The following B4GALT5 variants were observed in gnomAD, a reference collection of about 807,000 sequenced individuals.
The protein encoded by B4GALT5 is UDP-Gal:beta-GlcNAc beta-1,4-galactosyltransferase 5.
In B4GALT5, 11 loss-of-function variants were observed where a neutral mutation model predicts 45.0. The observed-to-expected ratio is 0.24, with a 90% CI of 0.15 to 0.40. The LOEUF (loss-of-function observed/expected upper bound fraction) is 0.40, where lower values mean the gene tolerates loss of function less well. Among genes scored for constraint, B4GALT5 ranks in the 10% least tolerant of loss-of-function variants. B4GALT5 has a pLI of 1.00. For missense variants in B4GALT5, 337 were observed against 500.2 expected, an observed-to-expected ratio of 0.67 and a Z score of 3.11; for synonymous variants, 185 against 182.9, an observed-to-expected ratio of 1.01 and a Z score of -0.09.
At chr20:49,674,081 CAAAAAAAAAAA>C (rs34718276) in intron 1 of B4GALT5, among the ~76,000 whole-genome samples, 18 of 94,530 alleles carry the variant, frequency 1.9e-4, no homozygotes, top group Admixed American at 3.6e-4. Context: ...ATTAAAAATA[CAAAAAAAAAAA>C]AAAAAAAAAA....
At chr20:49,710,515 G>T (rs1199984284) in intron 1 of B4GALT5, among the ~76,000 whole-genome samples, 1 of 151,214 alleles carries the variant, frequency 6.6e-6, no homozygotes, top group Non-Finnish European at 1.5e-5. Flanking sequence ...TGCCTCCTGG[G>T]TTCAAGTGAT....
At chr20:49,667,400 T>C (rs1158414613) in intron 1 of B4GALT5, among the ~76,000 whole-genome samples, 2 of 151,934 alleles carry the variant, frequency 1.3e-5, no homozygotes, top group African/African-American at 4.8e-5. Context: ...TACAGGTGCC[T>C]GCCACCTCGC....
rs543987329 is a variant in B4GALT5, at chr20:49,665,436, A to G, written c.116-8734T>C. On this transcript the variant is annotated intron_variant, in intron 1 of 8. Coordinates refer to ENST00000371711, the MANE Select transcript of B4GALT5 (RefSeq NM_004776.4). ...TCTCAAAAAGGGGGGGTGGGGGGGTAGTAGTAATAATAATAATAATAATAA... is the reference window on the plus strand; with the variant it reads ...TCTCAAAAAGGGGGGGTGGGGGGGTGGTAGTAATAATAATAATAATAATAA... 1.2e-3 allele frequency among the ~76,000 whole-genome samples: 69 copies of G among 59,690 alleles called. 1 individual carries two copies. The highest frequency in any genetic ancestry group is 4.0e-3 in the African/African-American group (65 of 16,308). 39.2% of individuals were successfully genotyped at this position (59,690 alleles called of 152,430 possible).
intron 1 of B4GALT5, among the ~76,000 whole-genome samples, chr20:49,708,044 G>C (rs548468291): frequency 2.4e-4 from 36 of 146,950 alleles, no homozygotes; most frequent in Non-Finnish European, 4.6e-4. Context: ...AGCCTGCCTG[G>C]CCAACATGGT....
chr20:49,694,833 G>A (rs2085831744), intron 1 of B4GALT5, among the ~76,000 whole-genome samples: 2 of 117,426 alleles, frequency 1.7e-5, no homozygotes, highest in Non-Finnish European at 3.9e-5. Flanking sequence ...TGGAAAGACA[G>A]ACAGATACAC....
intron 1 of B4GALT5, among the ~76,000 whole-genome samples, chr20:49,675,714 T>C (rs1284580481): frequency 6.6e-6 from 1 of 152,214 alleles, no homozygotes; most frequent in African/African-American, 2.4e-5. Context: ...ATGTGACTGT[T>C]TGATTTTTAG....
At chr20:49,669,015 C>T (rs980007565) in intron 1 of B4GALT5, among the ~76,000 whole-genome samples, 1 of 151,660 alleles carries the variant, frequency 6.6e-6, no homozygotes, top group Admixed American at 6.6e-5. Context: ...GCGTACACCA[C>T]CACATCTGGT....
intron 2 of B4GALT5, among the ~76,000 whole-genome samples, chr20:49,649,449 G>A (rs780747989): frequency 6.6e-6 from 1 of 151,940 alleles, no homozygotes; most frequent in Non-Finnish European, 1.5e-5. Context: ...GCCTGGTGGT[G>A]CGCGCCTGTG....
At chr20:49,637,781 A>T (rs1202263576) in intron 7 of B4GALT5, among the ~76,000 whole-genome samples, 1 of 151,856 alleles carries the variant, frequency 6.6e-6, no homozygotes, top group East Asian at 1.9e-4. Context: ...TTAAAAAAAA[A>T]AAAAAAAATT....
chr20:49,703,729 A>AAAAAAAAAAAATAAT lies in B4GALT5; in HGVS notation c.115+9846_115+9847insATTATTTTTTTTTTT, dbSNP rs1555814908. ...CACGGCAAAGCCGCATTTCTACTAA[A>AAAAAAAAAAAATAAT]AAAAAAAAAAATAGCCAGGGGTCAT... On this transcript the variant is annotated intron_variant, in intron 1 of 8. Coordinates refer to ENST00000371711, the MANE Select transcript of B4GALT5 (RefSeq NM_004776.4). 5.2e-5 allele frequency among the ~76,000 whole-genome samples: 7 copies of AAAAAAAAAAAATAAT among 133,782 alleles called. No individual in the cohort carries two copies. In the East Asian group the frequency reaches 6.3e-4, roughly 12 times the overall value. The allele number at this position is 133,782 out of a possible 152,430, so 87.8% of individuals were successfully genotyped here.
chr20:49,662,300 A>G (rs1158011018), intron 1 of B4GALT5, among the ~76,000 whole-genome samples: 1 of 152,000 alleles, frequency 6.6e-6, no homozygotes, highest in Non-Finnish European at 1.5e-5. Flanking sequence ...CCAAACACCA[A>G]TCACCCTCCT....
At chr20:49,665,757 G>C (rs189923405) in intron 1 of B4GALT5, among the ~76,000 whole-genome samples, 1 of 147,504 alleles carries the variant, frequency 6.8e-6, no homozygotes, top group African/African-American at 2.5e-5. Context: ...TGGGAGCAGG[G>C]GCCAGGAAAA....
intron 1 of B4GALT5, among the ~76,000 whole-genome samples, chr20:49,695,770 A>G (rs1568733147): frequency 6.6e-6 from 1 of 152,192 alleles, no homozygotes; most frequent in South Asian, 2.1e-4. Flanking sequence ...ACCTTTGTAG[A>G]AAAGAATAAA....
rs1469671009 is a variant in B4GALT5, at chr20:49,634,673, G to C, written c.*1639C>G. 2 of 152,214 alleles carry C rather than the reference G, an allele frequency of 1.3e-5. No homozygotes were observed. The highest frequency in any genetic ancestry group is 1.3e-4 in the Admixed American group (2 of 15,264). The allele number at this position is 152,214 out of a possible 1,614,324, so 9.4% of individuals were successfully genotyped here. ...GAGTCCAGGAGTTCGAGACCAGCCT[G>C]GGCAACATGGAAGAAACCCCTGTCT... On this transcript the variant is annotated 3_prime_UTR_variant, in exon 9 of 9. Transcript: ENST00000371711.
intron 1 of B4GALT5, among the ~76,000 whole-genome samples, chr20:49,668,364 T>C (rs961435895): frequency 6.6e-6 from 1 of 152,040 alleles, no homozygotes; most frequent in Non-Finnish European, 1.5e-5. Context: ...AAACAGATAC[T>C]AGATGGCTGG....
intron 1 of B4GALT5, among the ~76,000 whole-genome samples, chr20:49,690,466 T>C (rs969908813): frequency 2.0e-5 from 3 of 151,852 alleles, no homozygotes; most frequent in Non-Finnish European, 4.4e-5. Flanking sequence ...GGAGAATCAC[T>C]TGAATCTGGG....
chr20:49,695,205 A>AT lies in B4GALT5; in HGVS notation c.115+18370dup, dbSNP rs5841765. 3.2e-4 allele frequency among the ~76,000 whole-genome samples: 46 copies of AT among 145,774 alleles called. 1 individual carries two copies. The highest frequency in any genetic ancestry group is 6.0e-4 in the East Asian group (3 of 5,018). On this transcript the variant is annotated intron_variant, in intron 1 of 8. Transcript: ENST00000371711. The stretch of plus-strand genomic sequence containing the variant: ...TTGAACAATCTGGCATAGTGCAGTA[A>AT]TTTTTTTTTTTTTTAGACAGACTTT...
chr20:49,665,418 A>C (rs1282951207), intron 1 of B4GALT5, among the ~76,000 whole-genome samples: 2 of 28,316 alleles, frequency 7.1e-5, no homozygotes, highest in Admixed American at 5.2e-4. Flanking sequence ...GTCTCTCAAA[A>C]AGGGGGGGTG....
At chr20:49,687,639 G>A (rs757309394) in intron 1 of B4GALT5, among the ~76,000 whole-genome samples, 1 of 152,038 alleles carries the variant, frequency 6.6e-6, no homozygotes, top group Non-Finnish European at 1.5e-5. Context: ...GCAAGACTCT[G>A]TCCTGGGAAA....
Sources: allele counts gnomAD v4.1 joint callset (sites outside exome capture counted in the v4.1 genomes callset), GRCh38; gene constraint gnomAD v4.1.1; transcripts MANE v1.5; gene names NCBI Gene and HGNC (gene_info 2026-07-23, HGNC 2026-07-21).